The following RAD9A variants were observed in gnomAD, a reference collection of about 807,000 sequenced individuals.
RAD9A encodes cell cycle checkpoint control protein RAD9A.
A neutral mutation model predicts 41.2 loss-of-function variants in RAD9A; 25 were observed. The ratio of observed to expected loss-of-function variants is 0.61; its 90% CI spans 0.44 to 0.85. The LOEUF (loss-of-function observed/expected upper bound fraction) is 0.85. Among genes scored for constraint, RAD9A ranks in the 40% least tolerant of loss-of-function variants. The pLI is 0.00. For synonymous variants in RAD9A, 252 were observed against 210.6 expected, an observed-to-expected ratio of 1.20 and a Z score of -1.70; for missense variants, 514 against 518.3, an observed-to-expected ratio of 0.99 and a Z score of 0.08.
rs778210059 is a variant in RAD9A, at chr11:67,397,523, C to T, written c.1140C>T (p.Ser380=). 6.2e-6 allele frequency: 10 copies of T among 1,611,604 alleles called. No individual in the cohort carries two copies. The highest frequency in any genetic ancestry group is 4.2e-6 in the Non-Finnish European group (5 of 1,178,546). The change falls in exon 11 of 11, where the codon AGC becomes AGT. Residue 380 remains serine, a synonymous_variant. Transcript: ENST00000307980. The part of the protein sequence containing the change: ...LAPVRSPQGP[S]PVLAEDSEGE... ...CTGTACGCTCCCCCCAGGGCCCCAG[C>T]CCTGTGCTGGCGGAAGACAGTGAGG...
rs563340135 is a variant in RAD9A at position 67,393,489 on chromosome 11, C to G, written c.235-7C>G. ...GATGCTAGGCTGAGGTGTCTTATCC[C>G]ATGCAGTCTTTCCTGTCTGTCTTCC... On this transcript the variant is annotated splice_region_variant and splice_polypyrimidine_tract_variant and intron_variant, in intron 3 of 10. Transcript: ENST00000307980. 3 of 1,614,012 alleles carry G rather than the reference C, an allele frequency of 1.9e-6. No homozygotes were observed. In the African/African-American group the frequency reaches 4.0e-5, roughly 22 times the overall value.
chr11:67,396,486 C>G (rs149682342), intron 9 of RAD9A, 86 bp downstream of exon 9: 1 of 1,492,874 alleles, frequency 6.7e-7, no homozygotes, highest in South Asian at 1.2e-5. Context: ...TGCACCTCCC[C>G]GCAATGTGTT....
chr11:67,392,245 G>GA lies in RAD9A; in HGVS notation c.105+14_105+15insA. ...TTGGAGGACGGGGTGAGGGGCTAGG[G>GA]TGTGGGGGGCGGGTGGGACTCCAGC... On this transcript the variant is annotated intron_variant, in intron 2 of 10. Transcript: ENST00000307980. 7.5e-7 allele frequency: 1 copy of GA among 1,334,672 alleles called. No individual in the cohort carries two copies. The highest frequency in any genetic ancestry group is 1.1e-6 in the Non-Finnish European group (1 of 942,504). 82.7% of individuals were successfully genotyped at this position (1,334,672 alleles called of 1,614,324 possible).
At chr11:67,393,414 C>T (rs1192436582) in intron 3 of RAD9A, 82 bp from the exon 4 acceptor site, 77 of 1,553,270 alleles carry the variant, frequency 5.0e-5, no homozygotes, top group Non-Finnish European at 6.4e-5. Context: ...ATGCTGGGCC[C>T]ATGATGGGTG....
rs541439958 is a variant in RAD9A at position 67,393,406 on chromosome 11, G to A, written c.235-90G>A. Reference sequence around the variant, plus strand: ...GGGAGCCCTTTTCCCAGAGTTACATGCTGGGCCCATGATGGGTGTGGGCCT... The same window carrying A: ...GGGAGCCCTTTTCCCAGAGTTACATACTGGGCCCATGATGGGTGTGGGCCT... On this transcript the variant is annotated intron_variant, in intron 3 of 10. Coordinates refer to ENST00000307980, the MANE Select transcript of RAD9A (RefSeq NM_004584.3). 88 of 1,535,772 alleles carry A rather than the reference G, an allele frequency of 5.7e-5. No individual in the cohort carries two copies. In the African/African-American group the frequency reaches 1.0e-3, roughly 18 times the overall value.
chr11:67,393,032 A>T, intron 3 of RAD9A: 1 of 508,594 alleles, frequency 2.0e-6, no homozygotes, highest in Non-Finnish European at 3.2e-6. Context: ...CTGTAATCCC[A>T]GCACTTTGGG....
rs763818008 is a variant in RAD9A, at chr11:67,392,691, A to G, written c.143A>G (p.Tyr48Cys). Residue 48 changes from tyrosine (Y) to cysteine (C), a missense_variant, in exon 3 of 11, where the codon TAT becomes TGT. Tyr to Cys is a radical substitution (Grantham distance 194). This residue lies in a region of RAD9A where 268 missense variants were observed against 279.3 expected (regional missense o/e 0.96). Coordinates refer to ENST00000307980, the MANE Select transcript of RAD9A (RefSeq NM_004584.3). ...ACGGTGAACTCCTCCCGCTCTGCCT[A>G]TGCCTGCTTTCTCTTTGCCCCGCTC... ...LRTVNSSRSA[Y>C]ACFLFAPLFF... The G allele has an allele frequency of 6.8e-6, 11 of 1,613,850 alleles. No individual in the cohort carries two copies. Among genetic ancestry groups the G allele is most frequent in the Middle Eastern group, 1.6e-4 (1 of 6,084 alleles).
At position 67,398,027 on chromosome 11, in the gene RAD9A, C is replaced by CTGA. The variant is rs558988887; in HGVS notation, c.*470_*472dup. The CTGA allele has an allele frequency of 1.6e-4, 32 of 200,916 alleles. No homozygotes were observed. In the East Asian group the frequency reaches 4.2e-3, roughly 26 times the overall value. The allele number at this position is 200,916 out of a possible 1,614,324, so 12.4% of individuals were successfully genotyped here. The stretch of plus-strand genomic sequence containing the variant: ...GAGCTGACAAGTTTTCCTTGCTTTC[C>CTGA]TGATACTCTTTGGCGCTGACTTGGA... On this transcript the variant is annotated 3_prime_UTR_variant, in exon 11 of 11. Coordinates refer to ENST00000307980, the MANE Select transcript of RAD9A (RefSeq NM_004584.3).
At chr11:67,396,535 T>TA in intron 9 of RAD9A, 135 bp downstream of exon 9, 1 of 1,185,700 alleles carries the variant, frequency 8.4e-7, no homozygotes, top group African/African-American at 1.5e-5. Flanking sequence ...CCCCAGCCCC[T>TA]AACCCTATAG....
chr11:67,393,873 C>T (rs1862607820), intron 5 of RAD9A, 83 bp downstream of exon 5: 1 of 1,118,462 alleles, frequency 8.9e-7, no homozygotes, highest in Non-Finnish European at 1.3e-6. Flanking sequence ...TTAGAAGGTA[C>T]CTCTTTCATT....
Position 67,393,696 on chromosome 11 carries a change from C to G in RAD9A, c.355C>G (p.Arg119Gly). ...AGACCCTATCGCCCATCCAGGGGTG[C>G]GGAAGACTCACAACCTGTCCTTCCA... ...VVQLHCKFGVRKTHNLSFQDC... is the reference protein window; with the variant it reads ...VVQLHCKFGVGKTHNLSFQDC... Residue 119 changes from arginine to glycine, a missense_variant, in exon 5 of 11, where the codon CGG becomes GGG. Transcript: ENST00000307980. 1 of 1,613,026 alleles carries G rather than the reference C, an allele frequency of 6.2e-7. No homozygotes were observed.
chr11:67,393,692 G>A lies in RAD9A; in HGVS notation c.351G>A (p.Gly117=), dbSNP rs1018396888. The A allele has an allele frequency of 1.1e-5, 18 of 1,613,116 alleles. No homozygotes were observed. Among genetic ancestry groups the A allele is most frequent in the Non-Finnish European group, 1.5e-5 (18 of 1,179,326 alleles). The change falls in exon 5 of 11, where the codon GGG becomes GGA. Residue 117 remains glycine (G), a splice_region_variant and synonymous_variant. Coordinates refer to ENST00000307980, the MANE Select transcript of RAD9A (RefSeq NM_004584.3). ...RLVVQLHCKF[G]VRKTHNLSFQ... ...ACTGAGACCCTATCGCCCATCCAGG[G>A]GTGCGGAAGACTCACAACCTGTCCT...
Position 67,394,405 on chromosome 11 carries a change from G to A in RAD9A, c.449+615G>A, listed in dbSNP as rs780852579. Among the ~76,000 whole-genome samples, 26 of 152,318 alleles carry A rather than the reference G, an allele frequency of 1.7e-4. No individual in the cohort carries two copies. The South Asian group carries it at 1.9e-3, about 11-fold the overall frequency. On this transcript the variant is annotated intron_variant, in intron 5 of 10. Transcript: ENST00000307980. ...TCCAGTTGAAGCAAACGTCCCTGGC[G>A]AGGACCAGCTCAGAGAGGAGTGGGC...
At position 67,397,172 on chromosome 11, in the gene RAD9A, C is replaced by A. The variant is rs200063943; in HGVS notation, c.873-7C>A. Reference sequence around the variant, plus strand: ...TCCCCTCCCTGATACTCCGATTCTGCCTACAGCACACCCCACCCGGACGAC... The same window carrying A: ...TCCCCTCCCTGATACTCCGATTCTGACTACAGCACACCCCACCCGGACGAC... On this transcript the variant is annotated splice_region_variant and splice_polypyrimidine_tract_variant and intron_variant, in intron 9 of 10. Transcript: ENST00000307980. The A allele has an allele frequency of 7.7e-5, 124 of 1,606,798 alleles. No individual in the cohort carries two copies. The East Asian group carries it at 2.5e-3, about 32-fold the overall frequency.
chr11:67,392,922 C>T (rs1054447234), intron 3 of RAD9A, 140 bp downstream of exon 3: 2 of 1,214,786 alleles, frequency 1.6e-6, no homozygotes, highest in East Asian at 2.6e-5. Context: ...ACAGGGAGGG[C>T]CATGGTAAAA....
chr11:67,395,615 A>C, intron 5 of RAD9A, 101 bp from the exon 6 acceptor site: 1 of 879,660 alleles, frequency 1.1e-6, no homozygotes, highest in Non-Finnish European at 1.8e-6. Flanking sequence ...AGGCCTGCGC[A>C]CATCCGTGCG....
Position 67,397,459 on chromosome 11 carries a change from T to G in RAD9A, c.1081-5T>G. On this transcript the variant is annotated splice_polypyrimidine_tract_variant and splice_region_variant and intron_variant, in intron 10 of 10. Transcript: ENST00000307980. ...GCCTCCAGAACTCACTTGTTCTCTTTCCAGTTCCGCTCACTGTTCTTCGGC... is the reference window on the plus strand; with the variant it reads ...GCCTCCAGAACTCACTTGTTCTCTTGCCAGTTCCGCTCACTGTTCTTCGGC... The G allele has an allele frequency of 6.2e-7, 1 of 1,608,748 alleles. No homozygotes were observed.
Position 67,395,958 on chromosome 11 carries a change from G to A in RAD9A, c.606G>A (p.Glu202=), listed in dbSNP as rs2422491. 1.9e-6 allele frequency: 3 copies of A among 1,614,182 alleles called. No individual in the cohort carries two copies. The highest frequency in any genetic ancestry group is 3.3e-4 in the Middle Eastern group (2 of 6,062). Residue 202 remains glutamate, a synonymous_variant, in exon 7 of 11, where the codon GAG becomes GAA. Transcript: ENST00000307980. ...AMVTEMCLGE[E]DFQQLQAQEG... Reference sequence around the variant, plus strand: ...TGACTGAGATGTGCCTTGGAGAGGAGGATTTCCAGCAGCTGCAGGCCCAGG... The same window carrying A: ...TGACTGAGATGTGCCTTGGAGAGGAAGATTTCCAGCAGCTGCAGGCCCAGG...
At chr11:67,394,846 C>A (rs1862631969) in intron 5 of RAD9A, among the ~76,000 whole-genome samples, 1 of 151,736 alleles carries the variant, frequency 6.6e-6, no homozygotes, top group South Asian at 2.1e-4. Context: ...GAACTCCCGA[C>A]CTCAGGTGAT....
Sources: allele counts gnomAD v4.1 joint callset (sites outside exome capture counted in the v4.1 genomes callset), GRCh38; gene constraint gnomAD v4.1.1; regional missense constraint gnomAD v4.1.1; transcripts MANE v1.5; gene names NCBI Gene and HGNC (gene_info 2026-07-23, HGNC 2026-07-21).